EIF4E: variants seen among roughly 807,000 people sequenced by gnomAD.
The protein encoded by EIF4E is eIF-4F 25 kDa subunit.
For missense variants in EIF4E, 113 were observed against 265.6 expected, an observed-to-expected ratio of 0.43 and a Z score of 3.99; for synonymous variants, 71 against 88.5, an observed-to-expected ratio of 0.80 and a Z score of 1.11.
At chr4:98,896,218 T>TAAAAG (rs1724379727) in intron 2 of EIF4E, among the ~76,000 whole-genome samples, 1 of 150,746 alleles carries the variant, frequency 6.6e-6, no homozygotes, top group African/African-American at 2.4e-5. Context: ...TAAAATAAAA[T>TAAAAG]AAAATAAGCT....
intron 1 of EIF4E, among the ~76,000 whole-genome samples, chr4:98,927,171 A>G (rs929063059): frequency 1.3e-5 from 2 of 152,316 alleles, no homozygotes; most frequent in African/African-American, 4.8e-5. Flanking sequence ...AGTTAACTGT[A>G]GCAACAACTT....
intron 5 of EIF4E, among the ~76,000 whole-genome samples, chr4:98,885,772 A>G (rs1723890550): frequency 6.6e-6 from 1 of 152,162 alleles, no homozygotes; most frequent in Non-Finnish European, 1.5e-5. Flanking sequence ...GTGGTAAAAT[A>G]CAAATAACAT....
At chr4:98,892,666 A>G (rs866734490) in intron 2 of EIF4E, among the ~76,000 whole-genome samples, 93 of 142,202 alleles carry the variant, frequency 6.5e-4, no homozygotes, top group African/African-American at 2.5e-3. Flanking sequence ...AGGGCAACAG[A>G]GGGAAACTCT....
At chr4:98,924,160 C>A (rs1309237200) in intron 1 of EIF4E, among the ~76,000 whole-genome samples, 2 of 151,972 alleles carry the variant, frequency 1.3e-5, no homozygotes, top group African/African-American at 2.4e-5. Context: ...TCACTACAAC[C>A]TCCGCCTCCC....
At chr4:98,902,754 G>A (rs549844408) in intron 1 of EIF4E, among the ~76,000 whole-genome samples, 7 of 152,016 alleles carry the variant, frequency 4.6e-5, no homozygotes, top group South Asian at 2.1e-4. Context: ...CCAGCTACTC[G>A]GGAGATTAAT....
chr4:98,928,204 G>C (rs557367796), intron 1 of EIF4E, among the ~76,000 whole-genome samples: 6 of 152,202 alleles, frequency 3.9e-5, no homozygotes, highest in African/African-American at 1.4e-4. Flanking sequence ...ATGAATGGAA[G>C]ACGGGCGCGT....
chr4:98,919,519 A>ATACATTTGCACACATTTG (rs1725555727), intron 1 of EIF4E, among the ~76,000 whole-genome samples: 1 of 151,652 alleles, frequency 6.6e-6, no homozygotes, highest in Non-Finnish European at 1.5e-5. Context: ...CAATATGTAT[A>ATACATTTGCACACATTTG]CATACATTTG....
intron 1 of EIF4E, among the ~76,000 whole-genome samples, chr4:98,913,067 G>A (rs1306069874): frequency 6.6e-6 from 1 of 152,070 alleles, no homozygotes; most frequent in Non-Finnish European, 1.5e-5. Flanking sequence ...AATTAGCCAG[G>A]TGTAGTGGCA....
At chr4:98,919,015 A>C (rs937784862) in intron 1 of EIF4E, among the ~76,000 whole-genome samples, 3 of 152,176 alleles carry the variant, frequency 2.0e-5, no homozygotes, top group African/African-American at 4.8e-5. Context: ...ACATTTAAAA[A>C]ACTAGTAAAA....
chr4:98,894,135 G>A (rs1052796061), intron 2 of EIF4E, among the ~76,000 whole-genome samples: 3 of 152,178 alleles, frequency 2.0e-5, no homozygotes, highest in Admixed American at 6.5e-5. Context: ...GCTATAAATC[G>A]ATGCACTGTC....
chr4:98,919,347 C>CAAAAAAAAAAAAAAAAAAAA (rs974044137), intron 1 of EIF4E, among the ~76,000 whole-genome samples: 1 of 129,664 alleles, frequency 7.7e-6, no homozygotes, highest in Non-Finnish European at 1.7e-5. Context: ...AAAAAAAAAA[C>CAAAAAAAAAAAAAAAAAAAA]AAAAAAAAAC....
At chr4:98,884,707 C>T (rs1421653085) in intron 6 of EIF4E, among the ~76,000 whole-genome samples, 3 of 151,572 alleles carry the variant, frequency 2.0e-5, no homozygotes, top group African/African-American at 7.3e-5. Flanking sequence ...GACTCTATCT[C>T]TAAATAAATA....
chr4:98,886,705 G>C, intron 5 of EIF4E: 1 of 342,722 alleles, frequency 2.9e-6, no homozygotes, highest in Non-Finnish European at 5.7e-6. Flanking sequence ...AACAGAGCAA[G>C]ACCCTCGCTC....
chr4:98,893,932 A>G (rs1260255157), intron 2 of EIF4E, among the ~76,000 whole-genome samples: 3 of 152,220 alleles, frequency 2.0e-5, no homozygotes, highest in African/African-American at 7.2e-5. Flanking sequence ...ATAAGGCTTG[A>G]AAGTCAAAAT....
At chr4:98,911,661 CAAAAAAAAAAA>C (rs767631331) in intron 1 of EIF4E, among the ~76,000 whole-genome samples, 19 of 60,048 alleles carry the variant, frequency 3.2e-4, no homozygotes, top group African/African-American at 6.8e-4. Context: ...AACTCTGTCT[CAAAAAAAAAAA>C]AAAAAAAAAA....
At chr4:98,923,119 G>A (rs1341506175) in intron 1 of EIF4E, among the ~76,000 whole-genome samples, 3 of 151,156 alleles carry the variant, frequency 2.0e-5, no homozygotes, top group South Asian at 2.1e-4. Context: ...CCAAAGTGTC[G>A]GGATTACAGG....
At chr4:98,900,223 T>C (rs79772144) in intron 2 of EIF4E, among the ~76,000 whole-genome samples, 125 of 152,286 alleles carry the variant, frequency 8.2e-4, no homozygotes, top group African/African-American at 3.0e-3. Flanking sequence ...AGACTGCCTC[T>C]AACGAATTGT....
chr4:98,911,003 G>C (rs1725101297), intron 1 of EIF4E, among the ~76,000 whole-genome samples: 1 of 151,682 alleles, frequency 6.6e-6, no homozygotes, highest in South Asian at 2.1e-4. Flanking sequence ...TAAAGTGCTG[G>C]AATTACAGGC....
chr4:98,918,844 A>C (rs1006335668), intron 1 of EIF4E, among the ~76,000 whole-genome samples: 4 of 152,238 alleles, frequency 2.6e-5, no homozygotes, highest in African/African-American at 9.6e-5. Context: ...ATAAATATAC[A>C]TATTTGCTGT....
Sources: allele counts gnomAD v4.1 joint callset (sites outside exome capture counted in the v4.1 genomes callset), GRCh38; gene constraint gnomAD v4.1.1; transcripts MANE v1.5; gene names NCBI Gene and HGNC (gene_info 2026-07-23, HGNC 2026-07-21).